MAEA: variants seen among roughly 807,000 people sequenced by gnomAD.
MAEA encodes the protein E3 ubiquitin-protein transferase MAEA.
In MAEA, 22 loss-of-function variants were observed where a neutral mutation model predicts 46.2. The ratio of observed to expected loss-of-function variants is 0.48; its 90% CI spans 0.34 to 0.68. The LOEUF (loss-of-function observed/expected upper bound fraction) is 0.68, where lower values mean the gene tolerates loss of function less well. Among genes scored for constraint, MAEA ranks in the 30% least tolerant of loss-of-function variants. The pLI is 0.01. For missense variants in MAEA, 393 were observed against 558.1 expected (o/e 0.70, Z 2.98); for synonymous variants, 246 against 222.6 (o/e 1.11, Z -0.94).
At chr4:1,333,299 C>G (rs796444706) in intron 6 of MAEA, among the ~76,000 whole-genome samples, 1 of 151,900 alleles carries the variant, frequency 6.6e-6, no homozygotes, top group Non-Finnish European at 1.5e-5. Flanking sequence ...CAAGATTGTG[C>G]CACTGCACTC....
chr4:1,338,704 G>A, intron 8 of MAEA, 87 bp downstream of exon 8: 1 of 1,332,826 alleles, frequency 7.5e-7, no homozygotes, highest in Non-Finnish European at 1.0e-6. Flanking sequence ...GGGGGGCCAG[G>A]CTGGCACGCA....
intron 1 of MAEA, among the ~76,000 whole-genome samples, chr4:1,294,282 G>A (rs533702128): frequency 1.3e-5 from 2 of 152,204 alleles, no homozygotes; most frequent in East Asian, 1.9e-4. Flanking sequence ...CGCGGCCTCC[G>A]CGCTGGCACA....
intron 5 of MAEA, chr4:1,329,890 A>T: frequency 1.0e-6 from 1 of 985,532 alleles, no homozygotes; most frequent in African/African-American, 1.7e-5. Flanking sequence ...CCCAGCCCGC[A>T]GGAGCTTCCC....
At chr4:1,307,669 C>G (rs747572464) in intron 1 of MAEA, among the ~76,000 whole-genome samples, 2 of 152,144 alleles carry the variant, frequency 1.3e-5, no homozygotes, top group Admixed American at 1.3e-4. Context: ...GAAGCTGGTG[C>G]GTGGCTCAGT....
At chr4:1,331,777 G>A (rs61073965) in intron 5 of MAEA, 21,065 of 151,772 alleles carry the variant, frequency 0.14, 2,609 homozygotes, top group East Asian at 0.43. Context: ...GGGGGGGCAT[G>A]AGAATGGGGG....
intron 6 of MAEA, among the ~76,000 whole-genome samples, chr4:1,333,262 G>A (rs1712084709): frequency 6.6e-6 from 1 of 151,960 alleles, no homozygotes; most frequent in African/African-American, 2.4e-5. Context: ...GATCACTTGA[G>A]CCCATAAGGT....
intron 1 of MAEA, among the ~76,000 whole-genome samples, chr4:1,295,301 C>T (rs1037804607): frequency 1.2e-4 from 18 of 152,044 alleles, no homozygotes; most frequent in African/African-American, 4.1e-4. Flanking sequence ...ATTTCAGAAT[C>T]GTTATAGCTA....
intron 2 of MAEA, among the ~76,000 whole-genome samples, chr4:1,312,827 C>T (rs1333776852): frequency 6.6e-6 from 1 of 152,222 alleles, no homozygotes; most frequent in Non-Finnish European, 1.5e-5. Flanking sequence ...ATCTGGCCCA[C>T]TGAAGACACC....
intron 1 of MAEA, among the ~76,000 whole-genome samples, chr4:1,297,096 G>A (rs1340024850): frequency 6.6e-6 from 1 of 152,172 alleles, no homozygotes. Context: ...GATACCAGGC[G>A]CAAAACCAAA....
Position 1,315,512 on chromosome 4 carries a change from A to T in MAEA, c.368A>T (p.Lys123Met). 1 of 1,613,884 alleles carries T rather than the reference A, an allele frequency of 6.2e-7. No homozygotes were observed. The highest frequency in any genetic ancestry group is 8.5e-7 in the Non-Finnish European group (1 of 1,179,950). ...QPAAASVWKR[K>M]RMDRMMVEHL... is the part of the protein sequence containing the mutation. The stretch of plus-strand genomic sequence containing the variant: ...GCGGCGGCCAGCGTGTGGAAGAGGA[A>T]GCGCATGGATCGCATGATGGTGGAG... The change falls in exon 3 of 9, where the codon AAG becomes ATG. Residue 123 changes from lysine to methionine, a missense_variant. By Grantham distance (95) the Lys-to-Met change is moderately conservative. Transcript: ENST00000303400.
At chr4:1,321,521 A>G (rs1363289011) in intron 3 of MAEA, among the ~76,000 whole-genome samples, 1 of 152,248 alleles carries the variant, frequency 6.6e-6, no homozygotes, top group African/African-American at 2.4e-5. Flanking sequence ...GGTTTCAGAA[A>G]AGAGTAATCA....
At chr4:1,323,357 TTTAAC>T in intron 4 of MAEA, 1 of 625,634 alleles carries the variant, frequency 1.6e-6, no homozygotes, top group South Asian at 1.8e-5. Context: ...GCAGAAATGT[TTTAAC>T]TTATGTTAAC....
At position 1,328,697 on chromosome 4, in the gene MAEA, G is replaced by C. The variant is rs769993070; in HGVS notation, c.656+994G>C. ...GGAGAAGTGGGCGTCTCACGATGAG[G>C]TGCTGAGGGTGGTCCCCAAGACGCA... On this transcript the variant is annotated intron_variant, in intron 5 of 8. Transcript: ENST00000303400. The C allele has an allele frequency of 3.1e-6, 4 of 1,276,746 alleles. No homozygotes were observed. In the South Asian group the frequency reaches 5.0e-5, roughly 16 times the overall value. 79.1% of individuals were successfully genotyped at this position (1,276,746 alleles called of 1,614,324 possible).
chr4:1,323,723 G>A, intron 4 of MAEA: 1 of 665,736 alleles, frequency 1.5e-6, no homozygotes, highest in South Asian at 1.6e-5. Flanking sequence ...ATGTCAGAGG[G>A]AAGATAGGTT....
At chr4:1,326,439 A>G (rs1479490734) in intron 4 of MAEA, among the ~76,000 whole-genome samples, 1 of 152,214 alleles carries the variant, frequency 6.6e-6, no homozygotes, top group African/African-American at 2.4e-5. Context: ...ACTTCCGTAG[A>G]ATCCGCGTCT....
chr4:1,316,126 T>C (rs940411615), intron 3 of MAEA, among the ~76,000 whole-genome samples: 2 of 152,076 alleles, frequency 1.3e-5, no homozygotes, highest in African/African-American at 4.8e-5. Flanking sequence ...TGACACATGC[T>C]CCATTGCTTC....
intron 1 of MAEA, among the ~76,000 whole-genome samples, chr4:1,295,679 GCTCCTATACCCCCTCACCCA>G (rs2108853931): frequency 1.7e-4 from 5 of 30,128 alleles, no homozygotes; most frequent in African/African-American, 4.0e-4. Context: ...CCCCTCACCC[GCTCCTATACCCCCTCACCCA>G]CACCTGTACC....
At chr4:1,331,944 G>C (rs1204221954) in intron 5 of MAEA, 1 of 152,788 alleles carries the variant, frequency 6.5e-6, no homozygotes, top group Non-Finnish European at 1.5e-5. Flanking sequence ...GATCGTGGCT[G>C]CATGTGGTGT....
At chr4:1,329,021 C>T (rs891259235) in intron 5 of MAEA, 3 of 986,086 alleles carry the variant, frequency 3.0e-6, no homozygotes, top group Non-Finnish European at 3.6e-6. Context: ...GTGCCTGTGT[C>T]GCTGGCCTCT....
Sources: gnomAD v4.1 joint callset for allele counts (sites outside exome capture counted in the v4.1 genomes callset) on GRCh38, gnomAD v4.1.1 for gene constraint, MANE v1.5 for transcripts, NCBI Gene and HGNC (gene_info 2026-07-23, HGNC 2026-07-21) for gene names.